MGAT4C: variants seen among roughly 807,000 people sequenced by gnomAD.
MGAT4C encodes the protein MGAT4 family member C, also known as alpha-1,3-mannosyl-glycoprotein 4-beta-N-acetylglucosaminyltransferase C.
In MGAT4C, 19 loss-of-function variants were observed where a neutral mutation model predicts 40.1. The observed-to-expected ratio is 0.47, with a 90% CI of 0.33 to 0.70. The LOEUF (loss-of-function observed/expected upper bound fraction) is 0.70. MGAT4C is among the 30% of genes least tolerant of loss of function. The pLI, the probability that MGAT4C is intolerant of heterozygous loss-of-function variation, is 0.02. For synonymous variants in MGAT4C, 181 were observed against 187.1 expected, an observed-to-expected ratio of 0.97 and a Z score of 0.27; for missense variants, 491 against 563.2, an observed-to-expected ratio of 0.87 and a Z score of 1.30.
intron 2 of MGAT4C, among the ~76,000 whole-genome samples, chr12:86,452,525 T>C (rs1276255954): frequency 6.6e-6 from 1 of 152,070 alleles, no homozygotes; most frequent in Non-Finnish European, 1.5e-5. Flanking sequence ...ATTTAGTCTA[T>C]GCATTTGTGT....
intron 2 of MGAT4C, among the ~76,000 whole-genome samples, chr12:86,700,993 A>G (rs892218800): frequency 2.6e-5 from 4 of 152,174 alleles, no homozygotes; most frequent in Non-Finnish European, 4.4e-5. Context: ...TGCAATAAGA[A>G]AAAATATATT....
chr12:86,302,817 G>C (rs1358493718), intron 4 of MGAT4C, among the ~76,000 whole-genome samples: 2 of 150,614 alleles, frequency 1.3e-5, no homozygotes, highest in Admixed American at 1.3e-4. Context: ...CAGAATCTGA[G>C]ACTGCCAGTC....
At chr12:86,597,512 T>C (rs548095104) in intron 2 of MGAT4C, among the ~76,000 whole-genome samples, 148 of 152,348 alleles carry the variant, frequency 9.7e-4, no homozygotes, top group African/African-American at 3.3e-3. Context: ...CTCAGAATCA[T>C]GTAGACTCTG....
intron 2 of MGAT4C, among the ~76,000 whole-genome samples, chr12:86,636,568 T>G (rs1963225079): frequency 6.6e-6 from 1 of 152,056 alleles, no homozygotes; most frequent in African/African-American, 2.4e-5. Flanking sequence ...TTTCTCTCTA[T>G]GCTTTTCATA....
rs1267893500 is a variant in MGAT4C at position 85,960,535 on chromosome 12, T to G, written c.*18754A>C. ...GCAAATCAATTAATCCTTCATTCTTTTTTTCTCCCCTTACTCCTTTGATTT... is the reference window on the plus strand; with the variant it reads ...GCAAATCAATTAATCCTTCATTCTTGTTTTCTCCCCTTACTCCTTTGATTT... On this transcript the variant is annotated 3_prime_UTR_variant, in exon 5 of 5. Transcript: ENST00000611864. 6.6e-6 allele frequency: 1 copy of G among 152,062 alleles called. No homozygotes were observed. The highest frequency in any genetic ancestry group is 6.6e-5 in the Admixed American group (1 of 15,256). 9.4% of individuals were successfully genotyped at this position (152,062 alleles called of 1,614,324 possible). A position where few individuals can be genotyped will look rare whatever the true frequency, so the allele number is the denominator to read the frequency against.
chr12:86,584,593 T>C (rs991824964), intron 2 of MGAT4C, among the ~76,000 whole-genome samples: 11 of 151,446 alleles, frequency 7.3e-5, no homozygotes, highest in African/African-American at 2.7e-4. Flanking sequence ...AAAATCCTTT[T>C]AGCACAGTAT....
rs147738201 is a variant in MGAT4C at position 86,579,925 on chromosome 12, C to T, written c.-228-144660G>A. Among the ~76,000 whole-genome samples the T allele has an allele frequency of 3.2e-3, 479 of 151,618 alleles. 5 individuals are homozygous for T. The highest frequency in any genetic ancestry group is 0.011 in the African/African-American group (449 of 41,478). ...AAGACTGCTGTCAAATGTATTGAAGCCCCATTATCTGTTATTTGTTTTCTC... is the reference window on the plus strand; with the variant it reads ...AAGACTGCTGTCAAATGTATTGAAGTCCCATTATCTGTTATTTGTTTTCTC... On this transcript the variant is annotated intron_variant, in intron 2 of 7. Transcript: ENST00000548651.
intron 1 of MGAT4C, among the ~76,000 whole-genome samples, chr12:86,061,920 T>C (rs542663922): frequency 4.6e-5 from 7 of 152,200 alleles, no homozygotes; most frequent in Non-Finnish European, 1.5e-5. Flanking sequence ...ACAGAGCACC[T>C]TGGGGAAGGG....
intron 2 of MGAT4C, among the ~76,000 whole-genome samples, chr12:86,463,140 T>G (rs1957627279): frequency 1.3e-5 from 2 of 152,164 alleles, no homozygotes. Flanking sequence ...TGTCCTTTTG[T>G]GTAGGGATGG....
chr12:86,091,115 A>G (rs1872800576), intron 1 of MGAT4C, among the ~76,000 whole-genome samples: 1 of 152,010 alleles, frequency 6.6e-6, no homozygotes. Flanking sequence ...CTGCCCACAC[A>G]AGAAATATTC....
intron 2 of MGAT4C, among the ~76,000 whole-genome samples, chr12:86,492,907 G>T (rs145809470): frequency 0.01 from 1,564 of 151,988 alleles, 19 homozygotes; most frequent in East Asian, 0.045. Flanking sequence ...TCTGACAAAG[G>T]GCTAATATCC....
intron 3 of MGAT4C, among the ~76,000 whole-genome samples, chr12:85,987,223 G>A (rs1455127019): frequency 3.2e-5 from 4 of 125,652 alleles, no homozygotes; most frequent in East Asian, 5.7e-4. Flanking sequence ...TGCAAGCTCC[G>A]CCTCCCGGGT....
rs539644846 is a variant in MGAT4C, at chr12:86,587,777, G to C, written c.-229+139432C>G. 4.6e-3 allele frequency among the ~76,000 whole-genome samples: 701 copies of C among 151,328 alleles called. 3 individuals carry two copies. Among genetic ancestry groups the C allele is most frequent in the Non-Finnish European group, 8.0e-3 (541 of 67,706 alleles). On this transcript the variant is annotated intron_variant, in intron 2 of 7. Transcript: ENST00000548651. ...CTCTTATTGGTGTATAAGAATGCTT[G>C]TGGTTTTTGTACATTGATTTTGTAT... is the stretch of plus-strand genomic sequence containing the variant.
chr12:86,481,912 GTAT>G (rs1957944069), intron 2 of MGAT4C, among the ~76,000 whole-genome samples: 2 of 151,598 alleles, frequency 1.3e-5, no homozygotes, highest in Admixed American at 6.6e-5. Context: ...GCCACCACCT[GTAT>G]TTAACAATAT....
chr12:86,449,528 A>C (rs1316777670), intron 2 of MGAT4C, among the ~76,000 whole-genome samples: 2 of 152,142 alleles, frequency 1.3e-5, no homozygotes, highest in Non-Finnish European at 2.9e-5. Flanking sequence ...CAAATTATAG[A>C]ATATTTCAAA....
At chr12:86,728,489 G>C (rs1011079492) in intron 1 of MGAT4C, among the ~76,000 whole-genome samples, 2 of 152,170 alleles carry the variant, frequency 1.3e-5, no homozygotes, top group African/African-American at 2.4e-5. Flanking sequence ...TCAGCGGTTT[G>C]AGACCAGCCT....
chr12:86,654,453 G>A (rs1387138458), intron 2 of MGAT4C, among the ~76,000 whole-genome samples: 5 of 151,644 alleles, frequency 3.3e-5, no homozygotes, highest in East Asian at 1.9e-4. Context: ...CAGCAACCAC[G>A]TCTTCTTTCA....
At chr12:85,985,306 A>G (rs527556456) in intron 3 of MGAT4C, among the ~76,000 whole-genome samples, 1 of 152,310 alleles carries the variant, frequency 6.6e-6, no homozygotes, top group South Asian at 2.1e-4. Flanking sequence ...TCGAGTGACA[A>G]TGAAAAAGAT....
chr12:86,430,023 T>G (rs931526656), intron 3 of MGAT4C, among the ~76,000 whole-genome samples: 1 of 152,138 alleles, frequency 6.6e-6, no homozygotes, highest in African/African-American at 2.4e-5. Flanking sequence ...AAGTAGCTAG[T>G]TTTTTCTTCT....
Sources: gnomAD v4.1 joint callset for allele counts (sites outside exome capture counted in the v4.1 genomes callset) on GRCh38, gnomAD v4.1.1 for gene constraint, MANE v1.5 for transcripts, NCBI Gene and HGNC (gene_info 2026-07-23, HGNC 2026-07-21) for gene names.